The following FAAH2 variants were observed in gnomAD, a reference collection of about 807,000 sequenced individuals.
FAAH2 encodes the protein fatty-acid amide hydrolase 2.
In FAAH2, 60 loss-of-function variants were observed where a neutral mutation model predicts 36.9. That is an observed-to-expected ratio of 1.63 (90% CI 1.32 to 2.02). FAAH2 has a LOEUF of 2.02. FAAH2 is among the 30% of genes most tolerant of loss of function. FAAH2 has a pLI of 0.00. For missense variants in FAAH2, 689 were observed against 397.5 expected (o/e 1.73, Z -6.23); for synonymous variants, 214 against 143.8 (o/e 1.49, Z -3.49).
intron 5 of FAAH2, among the ~76,000 whole-genome samples, chrX:57,357,959 G>A (rs2054199034): frequency 9.0e-6 from 1 of 111,166 alleles, no homozygotes; most frequent in East Asian, 2.8e-4. Flanking sequence ...TGATAGACTG[G>A]TTAAAGAAAA....
At chrX:57,125,684 A>G in the FAAH2 span, among the ~76,000 whole-genome samples, 7 of 111,596 alleles carry the variant, frequency 6.3e-5, no homozygotes, top group Admixed American at 4.8e-4. Context: ...TTTTTACTAT[A>G]TTTGTTCAGA....
chrX:57,128,532 A>G, the FAAH2 span, among the ~76,000 whole-genome samples: 304 of 111,653 alleles, frequency 2.7e-3, no homozygotes, highest in African/African-American at 9.2e-3. Context: ...CTTAAAGGAA[A>G]TAACTAAAAT....
chrX:57,380,877 T>C, intron 6 of FAAH2, 35 bp from the exon 7 acceptor site: 1 of 891,455 alleles, frequency 1.1e-6, no homozygotes, highest in Non-Finnish European at 1.6e-6. Context: ...ATCTAAATAA[T>C]TTGTTGATGT....
At chrX:57,236,415 G>A in the FAAH2 span, among the ~76,000 whole-genome samples, 7 of 112,211 alleles carry the variant, frequency 6.2e-5, no homozygotes, top group East Asian at 2.8e-4. Context: ...AGGAATCTCC[G>A]CAGTGTTTTC....
chrX:57,348,553 C>T (rs909545241), intron 5 of FAAH2, among the ~76,000 whole-genome samples: 1 of 111,151 alleles, frequency 9.0e-6, no homozygotes, highest in African/African-American at 3.3e-5. Context: ...AGGATGGATG[C>T]TCTTAGCTAC....
At chrX:57,162,076 C>G in the FAAH2 span, among the ~76,000 whole-genome samples, 15 of 111,402 alleles carry the variant, frequency 1.3e-4, no homozygotes, top group Non-Finnish European at 2.3e-4. Context: ...AATCTCTCAG[C>G]ATTTGCTTGT....
chrX:57,394,263 G>T, intron 7 of FAAH2: 1 of 811,581 alleles, frequency 1.2e-6, no homozygotes, highest in Non-Finnish European at 1.9e-6. Context: ...AGAAGGGCTT[G>T]CACCAGCCCG....
At chrX:57,291,901 T>C (rs1378799361) in intron 1 of FAAH2, among the ~76,000 whole-genome samples, 2 of 111,546 alleles carry the variant, frequency 1.8e-5, no homozygotes, top group African/African-American at 6.5e-5. Flanking sequence ...AAAAGTACAA[T>C]ATGCTTAGCT....
chrX:57,402,149 G>A (rs1334556997), intron 7 of FAAH2, among the ~76,000 whole-genome samples: 2 of 111,937 alleles, frequency 1.8e-5, no homozygotes, highest in African/African-American at 3.2e-5. Context: ...CTTGCCCAGG[G>A]CACCCTCAGT....
At chrX:57,134,097 G>C in the FAAH2 span, among the ~76,000 whole-genome samples, 1 of 111,311 alleles carries the variant, frequency 9.0e-6, no homozygotes, top group Non-Finnish European at 1.9e-5. Flanking sequence ...AGAAAGACTG[G>C]GGAAAGGCAA....
chrX:57,339,995 G>A (rs937358993), intron 4 of FAAH2, among the ~76,000 whole-genome samples: 2 of 111,512 alleles, frequency 1.8e-5, no homozygotes, highest in Non-Finnish European at 3.8e-5. Context: ...AGGATAACAA[G>A]TTGAAGTCCC....
At chrX:57,290,292 A>G in intron 1 of FAAH2, 1 of 748,880 alleles carries the variant, frequency 1.3e-6, no homozygotes, top group Non-Finnish European at 1.6e-6. Context: ...ACGTTGATGG[A>G]GTGACCAGGT....
At chrX:57,378,904 T>C (rs1253673600) in intron 6 of FAAH2, 118 bp downstream of exon 6, 6 of 855,495 alleles carry the variant, frequency 7.0e-6, no homozygotes, top group Non-Finnish European at 9.8e-6. Context: ...TACAGGTTTT[T>C]ATGAGAGAGC....
the FAAH2 span, among the ~76,000 whole-genome samples, chrX:57,151,957 T>C: frequency 2.7e-5 from 3 of 111,943 alleles, no homozygotes; most frequent in Non-Finnish European, 5.6e-5. Flanking sequence ...CCTTTCTGTT[T>C]GTTAGTTTTC....
the FAAH2 span, among the ~76,000 whole-genome samples, chrX:57,254,563 C>T: frequency 1.8e-5 from 2 of 111,726 alleles, no homozygotes; most frequent in Non-Finnish European, 3.8e-5. Flanking sequence ...ACAGAAATCA[C>T]AACAAACTGT....
At chrX:57,216,598 G>A in the FAAH2 span, among the ~76,000 whole-genome samples, 571 of 4,608 alleles carry the variant, frequency 0.12, 85 homozygotes, top group East Asian at 0.15. Context: ...GTATATATAT[G>A]TATATATATA....
intron 7 of FAAH2, among the ~76,000 whole-genome samples, chrX:57,421,398 C>G (rs1244587370): frequency 8.9e-6 from 1 of 111,878 alleles, no homozygotes; most frequent in Non-Finnish European, 1.9e-5. Flanking sequence ...GTTGCAGTGA[C>G]CCATAACATA....
rs755222326 is a variant in FAAH2 at position 57,392,791 on chromosome X, G to T, written c.996+11762G>T. ...CTGGCATGGATGTTGCGAATGGGCA[G>T]AATGAATCCTGTAGGGACACCTTTT... On this transcript the variant is annotated intron_variant, in intron 7 of 10. Coordinates refer to ENST00000374900, the MANE Select transcript of FAAH2 (RefSeq NM_174912.4). 1.1e-5 allele frequency: 7 copies of T among 632,295 alleles called. No homozygotes were observed. The East Asian group carries it at 2.3e-4, about 20-fold the overall frequency. The allele number at this position is 632,295 out of a possible 1,213,427, so 52.1% of individuals were successfully genotyped here. A position where few individuals can be genotyped will look rare whatever the true frequency, so the allele number is the denominator to read the frequency against.
intron 1 of FAAH2, among the ~76,000 whole-genome samples, chrX:57,288,750 A>C (rs1399461843): frequency 2.7e-5 from 3 of 111,429 alleles, no homozygotes; most frequent in African/African-American, 9.8e-5. Flanking sequence ...GAATTAAATG[A>C]ATTCATATAT....
Sources: gnomAD v4.1 joint callset for allele counts (sites outside exome capture counted in the v4.1 genomes callset) on GRCh38, gnomAD v4.1.1 for gene constraint, MANE v1.5 for transcripts, NCBI Gene and HGNC (gene_info 2026-07-23, HGNC 2026-07-21) for gene names.